The following HEATR3 variants were observed in gnomAD, a reference collection of about 807,000 sequenced individuals.
The protein encoded by HEATR3 is HEAT repeat containing 3.
HEATR3 carries 56 observed loss-of-function variants against 72.8 expected under a neutral mutation model. That is an observed-to-expected ratio of 0.77 (90% CI 0.62 to 0.96). HEATR3 has a LOEUF of 0.96. Ranked by LOEUF, HEATR3 falls within the 40% of genes least tolerant of loss-of-function variation. HEATR3 has a pLI of 0.00. For missense variants in HEATR3, 747 were observed against 831.4 expected, an observed-to-expected ratio of 0.90 and a Z score of 1.25; for synonymous variants, 331 against 318.1, an observed-to-expected ratio of 1.04 and a Z score of -0.43.
In HEATR3 at chr16:50,066,551, AG is replaced by A; in HGVS notation, c.311+15del. 1 of 1,302,418 alleles carries A rather than the reference AG, an allele frequency of 7.7e-7. No individual in the cohort carries two copies. Among genetic ancestry groups the A allele is most frequent in the Non-Finnish European group, 9.7e-7 (1 of 1,029,880 alleles). 80.7% of individuals were successfully genotyped at this position (1,302,418 alleles called of 1,614,324 possible). A position where few individuals can be genotyped will look rare whatever the true frequency, so the allele number is the denominator to read the frequency against. On this transcript the variant is annotated intron_variant, in intron 2 of 14. Transcript: ENST00000299192. Reference sequence around the variant, plus strand: ...GCCGGCGCGCTGAGGTGAGCCAGGAAGGGTGCGGGGCGGTGCCCACCGCTGG... The same window carrying A: ...GCCGGCGCGCTGAGGTGAGCCAGGAAGGTGCGGGGCGGTGCCCACCGCTGG...
chr16:50,095,119 CTT>C (rs34657810), intron 12 of HEATR3, among the ~76,000 whole-genome samples: 1 of 143,420 alleles, frequency 7.0e-6, no homozygotes. Flanking sequence ...TTTTTTAAAT[CTT>C]TTTTTTTTTT....
intron 1 of HEATR3, 49 bp downstream of exon 1, chr16:50,066,318 C>A: frequency 6.4e-7 from 1 of 1,565,228 alleles, no homozygotes; most frequent in Admixed American, 1.8e-5. Context: ...GGTTGCCCCG[C>A]GCGCGTGCGC....
intron 7 of HEATR3, among the ~76,000 whole-genome samples, chr16:50,082,674 A>T: frequency 6.7e-6 from 1 of 149,162 alleles, no homozygotes. Context: ...TAATCTCAAC[A>T]CTTTTGGGAG....
In HEATR3 at chr16:50,077,279, G is replaced by C. The variant is rs147128783; in HGVS notation, c.764-1462G>C. On this transcript the variant is annotated intron_variant, in intron 6 of 14. Transcript: ENST00000299192. Reference sequence around the variant, plus strand: ...GGCCCATCTCGACCTCCCTGTGCTGGGATTACAGGCGTGAGCCACAGTCCC... The same window carrying C: ...GGCCCATCTCGACCTCCCTGTGCTGCGATTACAGGCGTGAGCCACAGTCCC... Among the ~76,000 whole-genome samples the C allele has an allele frequency of 2.6e-5, 4 of 152,108 alleles. No individual in the cohort carries two copies. The East Asian group carries it at 7.7e-4, about 29-fold the overall frequency.
chr16:50,097,919 G>A (rs1346795382), intron 12 of HEATR3, among the ~76,000 whole-genome samples: 2 of 132,232 alleles, frequency 1.5e-5, no homozygotes, highest in African/African-American at 2.9e-5. Context: ...GTGAAACTCC[G>A]TCTCAAAAAA....
intron 7 of HEATR3, among the ~76,000 whole-genome samples, chr16:50,082,921 G>A (rs1404197317): frequency 6.6e-6 from 1 of 151,956 alleles, no homozygotes; most frequent in Non-Finnish European, 1.5e-5. Context: ...CTCCCAAGTA[G>A]CTGGGATTAC....
In HEATR3 at chr16:50,102,331, G is replaced by A. The variant is rs1182943964; in HGVS notation, c.1816G>A (p.Ala606Thr). Residue 606 changes from alanine to threonine, a missense_variant, in exon 14 of 15, where the codon GCC (alanine) becomes ACC (threonine). Ala to Thr is a moderately conservative substitution (Grantham distance 58). Transcript: ENST00000299192. ...SLVVAGEALD[A>T]LFDVFADGKE... ...TGTGGTAGCAGGAGAAGCTTTGGATGCCCTCTTTGATGTTTTTGCAGATGG... is the reference window on the plus strand; with the variant it reads ...TGTGGTAGCAGGAGAAGCTTTGGATACCCTCTTTGATGTTTTTGCAGATGG... 1.2e-6 allele frequency: 2 copies of A among 1,613,998 alleles called. No homozygotes were observed. The highest frequency in any genetic ancestry group is 1.7e-6 in the Non-Finnish European group (2 of 1,179,908).
At chr16:50,075,926 A>C (rs2036717896) in intron 6 of HEATR3, among the ~76,000 whole-genome samples, 1 of 152,196 alleles carries the variant, frequency 6.6e-6, no homozygotes, top group Non-Finnish European at 1.5e-5. Flanking sequence ...TTAACAAACT[A>C]CTGTTAACCT....
At chr16:50,094,640 G>T in intron 11 of HEATR3, 65 bp from the exon 12 acceptor site, 1 of 878,630 alleles carries the variant, frequency 1.1e-6, no homozygotes. Flanking sequence ...TGTTTTGTTT[G>T]TTGCTTCTAC....
rs113248641 is a variant in HEATR3, at chr16:50,087,548, CTG to C, written c.1510+1198_1510+1199del. Reference sequence around the variant, plus strand: ...TCAAACCAAACAAAAACAAGAGAGACTGAGAGAGAAGAACAAGTGGTGTTTTC... The same window carrying C: ...TCAAACCAAACAAAAACAAGAGAGACAGAGAGAAGAACAAGTGGTGTTTTC... On this transcript the variant is annotated intron_variant, in intron 11 of 14. Transcript: ENST00000299192. Among the ~76,000 whole-genome samples, 492 of 152,224 alleles carry C rather than the reference CTG, an allele frequency of 3.2e-3. 2 individuals carry two copies. The highest frequency in any genetic ancestry group is 0.01 in the African/African-American group (431 of 41,544).
In HEATR3 at chr16:50,066,101, T is replaced by C. The variant is rs1427966880; in HGVS notation, c.-31T>C. 1.9e-6 allele frequency: 3 copies of C among 1,565,556 alleles called. No homozygotes were observed. The highest frequency in any genetic ancestry group is 2.7e-5 in the African/African-American group (2 of 73,534). On this transcript the variant is annotated 5_prime_UTR_variant, in exon 1 of 15. Transcript: ENST00000299192. The stretch of plus-strand genomic sequence containing the variant: ...CACCGCCTGCTGTTGCCCTCCTCTC[T>C]CGGTGGTCTGTCCGCCCAGCGCACG...
intron 2 of HEATR3, 78 bp downstream of exon 2, chr16:50,066,617 C>A (rs996339888): frequency 1.1e-5 from 13 of 1,208,696 alleles, no homozygotes; most frequent in South Asian, 3.4e-5. Context: ...GCAGCGGTCA[C>A]CCAGCGCCTT....
chr16:50,105,122 G>A lies in HEATR3; in HGVS notation c.*61G>A, dbSNP rs2150633759. ...TATTCAATGCTTAGAATACTAAAAGGTTTTCTTTGAATGTATATGTTTCTG... is the reference window on the plus strand; with the variant it reads ...TATTCAATGCTTAGAATACTAAAAGATTTTCTTTGAATGTATATGTTTCTG... On this transcript the variant is annotated 3_prime_UTR_variant, in exon 15 of 15. Transcript: ENST00000299192. 1 of 1,523,220 alleles carries A rather than the reference G, an allele frequency of 6.6e-7. No homozygotes were observed. The highest frequency in any genetic ancestry group is 9.0e-7 in the Non-Finnish European group (1 of 1,115,240). The allele number at this position is 1,523,220 out of a possible 1,614,324, so 94.4% of individuals were successfully genotyped here. A position where few individuals can be genotyped will look rare whatever the true frequency, so the allele number is the denominator to read the frequency against.
chr16:50,096,794 G>C (rs1412495610), intron 12 of HEATR3, among the ~76,000 whole-genome samples: 1 of 152,184 alleles, frequency 6.6e-6, no homozygotes, highest in Non-Finnish European at 1.5e-5. Context: ...GGGAGACTCT[G>C]TCTCAAAAAT....
chr16:50,088,940 C>T (rs961168835), intron 11 of HEATR3, among the ~76,000 whole-genome samples: 6 of 152,178 alleles, frequency 3.9e-5, no homozygotes, highest in Admixed American at 1.3e-4. Flanking sequence ...CAGGTACCCC[C>T]GGTCCCATCC....
intron 11 of HEATR3, among the ~76,000 whole-genome samples, chr16:50,086,556 T>C (rs2036992761): frequency 6.6e-6 from 1 of 152,234 alleles, no homozygotes; most frequent in Non-Finnish European, 1.5e-5. Context: ...TTTTCTTTTT[T>C]GTTAAAATTG....
intron 5 of HEATR3, 62 bp from the exon 6 acceptor site, chr16:50,075,509 C>T: frequency 6.9e-7 from 1 of 1,439,378 alleles, no homozygotes; most frequent in Middle Eastern, 1.8e-4. Context: ...ATGAGTTATA[C>T]TGGTGTAAAT....
Position 50,087,390 on chromosome 16 carries a change from G to A in HEATR3, c.1510+1039G>A, listed in dbSNP as rs555657138. 3.4e-4 allele frequency among the ~76,000 whole-genome samples: 51 copies of A among 152,204 alleles called. 2 individuals carry two copies. The South Asian group carries it at 0.01, about 30-fold the overall frequency. Reference sequence around the variant, plus strand: ...TATTCTTTTAAATGACCTAGCTGTAGGTTTCACTTGGAGGGAAAAACAAAA... The same window carrying A: ...TATTCTTTTAAATGACCTAGCTGTAAGTTTCACTTGGAGGGAAAAACAAAA... On this transcript the variant is annotated intron_variant, in intron 11 of 14. Transcript: ENST00000299192.
chr16:50,075,563 C>G lies in HEATR3; in HGVS notation c.623-8C>G. On this transcript the variant is annotated splice_region_variant and splice_polypyrimidine_tract_variant and intron_variant, in intron 5 of 14. Coordinates refer to ENST00000299192, the MANE Select transcript of HEATR3 (RefSeq NM_182922.4). ...TTTGTTTCTAAATACTTATTTTTTG[C>G]CTCGTAGCATATTGTTTGCAGACAG... is the stretch of plus-strand genomic sequence containing the variant. 6.2e-7 allele frequency: 1 copy of G among 1,606,160 alleles called. No individual in the cohort carries two copies. Among genetic ancestry groups the G allele is most frequent in the South Asian group, 1.1e-5 (1 of 90,720 alleles).
Sources: gnomAD v4.1 joint callset for allele counts (sites outside exome capture counted in the v4.1 genomes callset) on GRCh38, gnomAD v4.1.1 for gene constraint, MANE v1.5 for transcripts, NCBI Gene and HGNC (gene_info 2026-07-23, HGNC 2026-07-21) for gene names.